The following EBF3 variants were observed in gnomAD, a reference collection of about 807,000 sequenced individuals.
EBF3 encodes transcription factor COE3.
In EBF3, 18 loss-of-function variants were observed where a neutral mutation model predicts 77.1. The observed-to-expected ratio is 0.23, with a 90% CI of 0.16 to 0.35. The LOEUF (loss-of-function observed/expected upper bound fraction) is 0.35. Ranked by LOEUF, EBF3 falls within the 10% of genes least tolerant of loss-of-function variation. The probability of loss-of-function intolerance (pLI) is 1.00; values close to 1 mark genes in which losing one functional copy is unlikely to be tolerated. For synonymous variants in EBF3, 350 were observed against 343.5 expected (o/e 1.02, Z -0.21); for missense variants, 558 against 860.0 (o/e 0.65, Z 4.39).
At chr10:129,927,392 C>T (rs553211177) in intron 6 of EBF3, among the ~76,000 whole-genome samples, 1 of 152,204 alleles carries the variant, frequency 6.6e-6, no homozygotes, top group Non-Finnish European at 1.5e-5. Flanking sequence ...GATCTATATA[C>T]CATCTTCATG....
chr10:129,928,842 G>A (rs1183443611), intron 6 of EBF3, among the ~76,000 whole-genome samples: 1 of 152,210 alleles, frequency 6.6e-6, no homozygotes, highest in Non-Finnish European at 1.5e-5. Flanking sequence ...CAAATCCTGT[G>A]ATGTGCTATC....
In EBF3 at chr10:129,882,749, A is replaced by G. The variant is rs548272208; in HGVS notation, c.555-4900T>C. ...TTCATCTGACACCATCCCTACCCTC[A>G]TGTTTCCATGTAGCTAAGAACGTAT... On this transcript the variant is annotated intron_variant, in intron 6 of 16. Transcript: ENST00000440978. Among the ~76,000 whole-genome samples the G allele has an allele frequency of 2.1e-4, 32 of 152,344 alleles. No homozygotes were observed. In the South Asian group the frequency reaches 2.9e-3, roughly 14 times the overall value.
chr10:129,905,768 G>T (rs1855101794), intron 6 of EBF3, among the ~76,000 whole-genome samples: 1 of 152,212 alleles, frequency 6.6e-6, no homozygotes, highest in Non-Finnish European at 1.5e-5. Context: ...GGGAACCCTG[G>T]AATTGAACTC....
chr10:129,900,935 T>C (rs562468656), intron 6 of EBF3, among the ~76,000 whole-genome samples: 3 of 152,182 alleles, frequency 2.0e-5, no homozygotes, highest in East Asian at 1.9e-4. Context: ...CCAACACCCA[T>C]AGAGCCAAGT....
chr10:129,961,095 T>C (rs775375725), intron 4 of EBF3, among the ~76,000 whole-genome samples: 9 of 152,368 alleles, frequency 5.9e-5, no homozygotes, highest in Middle Eastern at 3.4e-3. Context: ...AAATAAAATG[T>C]GCAAACTAAT....
chr10:129,840,189 C>CA, intron 15 of EBF3, 56 bp downstream of exon 15: 21 of 1,471,368 alleles, frequency 1.4e-5, no homozygotes, highest in Non-Finnish European at 1.9e-5. Flanking sequence ...CCCCCACTCC[C>CA]ATCCCCACCC....
chr10:129,848,624 T>A lies in EBF3; in HGVS notation c.1040-144A>T. ...GCACCCCTGAATACTAGCTGTGTCT[T>A]AAGGAATAGATTTTCCCCCTTTCTT... On this transcript the variant is annotated intron_variant, in intron 10 of 16. Transcript: ENST00000440978. This position sits in a 1 kb window ranked among gnomAD's most constrained non-coding sequence, Gnocchi z 4.4. The A allele has an allele frequency of 1.2e-6, 1 of 802,490 alleles. No homozygotes were observed. Among genetic ancestry groups the A allele is most frequent in the South Asian group, 1.5e-5 (1 of 64,850 alleles). The allele number at this position is 802,490 out of a possible 1,614,324, so 49.7% of individuals were successfully genotyped here. A position where few individuals can be genotyped will look rare whatever the true frequency, so the allele number is the denominator to read the frequency against.
At chr10:129,926,611 T>C (rs1437571957) in intron 6 of EBF3, among the ~76,000 whole-genome samples, 2 of 152,002 alleles carry the variant, frequency 1.3e-5, no homozygotes, top group Non-Finnish European at 2.9e-5. Flanking sequence ...GGGAGGGGGC[T>C]GGGCAGACTG....
rs906389629 is a variant in EBF3 at position 129,937,204 on chromosome 10, G to A, written c.554+20054C>T. ...CAGATGGGTGGGACAACCACAGGCCGTAGGGGGCCGGGTCGACAAGGGAAA... is the reference window on the plus strand; with the variant it reads ...CAGATGGGTGGGACAACCACAGGCCATAGGGGGCCGGGTCGACAAGGGAAA... On this transcript the variant is annotated intron_variant, in intron 6 of 16. Coordinates refer to ENST00000440978, the MANE Select transcript of EBF3 (RefSeq NM_001375380.1). 3.3e-5 allele frequency among the ~76,000 whole-genome samples: 5 copies of A among 152,274 alleles called. No individual in the cohort carries two copies. The East Asian group carries it at 9.7e-4, about 29-fold the overall frequency.
chr10:129,900,448 C>T (rs1322284364), intron 6 of EBF3, among the ~76,000 whole-genome samples: 3 of 152,198 alleles, frequency 2.0e-5, no homozygotes, highest in Non-Finnish European at 2.9e-5. Flanking sequence ...GACACAGAAG[C>T]CACAGATTCC....
At chr10:129,945,986 G>T (rs1391598054) in intron 6 of EBF3, among the ~76,000 whole-genome samples, 1 of 149,730 alleles carries the variant, frequency 6.7e-6, no homozygotes, top group African/African-American at 2.5e-5. Context: ...GTTTCCACTC[G>T]TTAGAAGATA....
chr10:129,908,953 T>C (rs1409441077), intron 6 of EBF3, among the ~76,000 whole-genome samples: 1 of 152,204 alleles, frequency 6.6e-6, no homozygotes, highest in Non-Finnish European at 1.5e-5. Flanking sequence ...ATACTAAAAG[T>C]ATTCTTTTAA....
intron 6 of EBF3, among the ~76,000 whole-genome samples, chr10:129,939,480 T>G (rs992819759): frequency 2.6e-5 from 4 of 152,256 alleles, no homozygotes; most frequent in Non-Finnish European, 5.9e-5. Context: ...GTTCTGACTA[T>G]GCAGATCTCA....
chr10:129,956,583 A>G (rs1181967210), intron 6 of EBF3, among the ~76,000 whole-genome samples: 1 of 152,260 alleles, frequency 6.6e-6, no homozygotes, highest in African/African-American at 2.4e-5. Context: ...GTATCTTAAA[A>G]GGATGCAGCA....
At chr10:129,933,278 A>G (rs1322682859) in intron 6 of EBF3, among the ~76,000 whole-genome samples, 2 of 152,206 alleles carry the variant, frequency 1.3e-5, no homozygotes, top group African/African-American at 4.8e-5. Context: ...GGCCTCTCGA[A>G]AAACAGGCTT....
rs1245792071 is a variant in EBF3 at position 129,870,739 on chromosome 10, G to C, written c.781+2713C>G. On this transcript the variant is annotated intron_variant, in intron 8 of 16. Transcript: ENST00000440978. The surrounding 1 kb of genome is among the most constrained non-coding windows in gnomAD (Gnocchi z 4.4). ...GGCTGGGATGAGCATGTCAAAACGG[G>C]AGCGTGACTCAACTTGGAAACCCGT... Among the ~76,000 whole-genome samples the C allele has an allele frequency of 6.6e-6, 1 of 152,182 alleles. No individual in the cohort carries two copies. The highest frequency in any genetic ancestry group is 1.5e-5 in the Non-Finnish European group (1 of 68,036).
rs1291532726 is a variant in EBF3, at chr10:129,963,561, CGGCGCCGGCCG to C, written c.135-49_135-39del. On this transcript the variant is annotated intron_variant, in intron 1 of 16. Coordinates refer to ENST00000440978, the MANE Select transcript of EBF3 (RefSeq NM_001375380.1). This position sits in a 1 kb window ranked among gnomAD's most constrained non-coding sequence, Gnocchi z 7.1. ...AGAGACAGCGGCCCGGTGAGGAGCGCGGCGCCGGCCGGCGGAGGGGGCCGGGCCGGGCCGGG... is the reference window on the plus strand; with the variant it reads ...AGAGACAGCGGCCCGGTGAGGAGCGCGCGGAGGGGGCCGGGCCGGGCCGGG... 7.6e-7 allele frequency: 1 copy of C among 1,312,170 alleles called. No homozygotes were observed. Among genetic ancestry groups the C allele is most frequent in the Non-Finnish European group, 9.8e-7 (1 of 1,023,222 alleles). The allele number at this position is 1,312,170 out of a possible 1,614,324, so 81.3% of individuals were successfully genotyped here.
At chr10:129,880,506 T>C (rs916343879) in intron 6 of EBF3, among the ~76,000 whole-genome samples, 7 of 152,082 alleles carry the variant, frequency 4.6e-5, no homozygotes, top group Admixed American at 3.3e-4. Flanking sequence ...CACATACATA[T>C]GCACACACAC....
At chr10:129,838,014 GC>G in intron 16 of EBF3, 54 bp from the exon 17 acceptor site, 1 of 1,610,256 alleles carries the variant, frequency 6.2e-7, no homozygotes, top group East Asian at 2.2e-5. Flanking sequence ...GCGCCCTCCC[GC>G]CAACGCTGAC....
Sources: gnomAD v4.1 joint callset for allele counts (sites outside exome capture counted in the v4.1 genomes callset) on GRCh38, gnomAD v4.1.1 for gene constraint, Gnocchi (gnomAD v3.1) non-coding constraint, MANE v1.5 for transcripts, NCBI Gene and HGNC (gene_info 2026-07-23, HGNC 2026-07-21) for gene names.